The following SPATA13 variants were observed in gnomAD, a reference collection of about 807,000 sequenced individuals.
The protein encoded by SPATA13 is spermatogenesis associated 13.
In SPATA13, 50 loss-of-function variants were observed where a neutral mutation model predicts 104.0. The observed-to-expected ratio is 0.48, with a 90% CI of 0.38 to 0.61. The LOEUF is 0.61. Ranked by LOEUF, SPATA13 falls within the 20% of genes least tolerant of loss-of-function variation. The pLI, the probability that SPATA13 is intolerant of heterozygous loss-of-function variation, is 0.00. For missense variants in SPATA13, 1,524 were observed against 1,690.6 expected (o/e 0.90, Z 1.73); for synonymous variants, 606 against 667.5 (o/e 0.91, Z 1.42).
At chr13:24,040,175 C>T (rs7318885) in intron 3 of SPATA13, among the ~76,000 whole-genome samples, 1 of 152,154 alleles carries the variant, frequency 6.6e-6, no homozygotes, top group Non-Finnish European at 1.5e-5. Flanking sequence ...ATGGCGAGTG[C>T]CCTATGCCAG....
chr13:24,030,524 C>T (rs543370319), intron 3 of SPATA13, among the ~76,000 whole-genome samples: 8 of 152,276 alleles, frequency 5.3e-5, no homozygotes, highest in African/African-American at 1.9e-4. Flanking sequence ...CCCTAATCTC[C>T]TGCCCACCCA....
chr13:24,276,534 G>T (rs1874993150), intron 4 of SPATA13, among the ~76,000 whole-genome samples: 2 of 152,198 alleles, frequency 1.3e-5, no homozygotes, highest in African/African-American at 4.8e-5. Context: ...TTTAATATGT[G>T]TGGCCGTTCT....
At chr13:24,002,247 A>G (rs955159373) in intron 2 of SPATA13, among the ~76,000 whole-genome samples, 1 of 152,184 alleles carries the variant, frequency 6.6e-6, no homozygotes, top group African/African-American at 2.4e-5. Flanking sequence ...CTGTAACACT[A>G]TGCCTGTGAT....
chr13:24,282,872 G>C (rs1194024091), intron 4 of SPATA13, among the ~76,000 whole-genome samples: 1 of 152,210 alleles, frequency 6.6e-6, no homozygotes, highest in African/African-American at 2.4e-5. Flanking sequence ...GCCCACAGAA[G>C]GGCAGGACCA....
rs544048185 is a variant in SPATA13, at chr13:24,082,514, C to G, written c.-112+64813C>G. ...CTGTGGCCTTTTCTATACTCAACTACAGCCAAAATAAAAATAAGATCTTTG... is the reference window on the plus strand; with the variant it reads ...CTGTGGCCTTTTCTATACTCAACTAGAGCCAAAATAAAAATAAGATCTTTG... On this transcript the variant is annotated intron_variant, in intron 3 of 14. Transcript: ENST00000424834. Among the ~76,000 whole-genome samples the G allele has an allele frequency of 3.9e-5, 6 of 152,262 alleles. No homozygotes were observed. The South Asian group carries it at 1.2e-3, about 32-fold the overall frequency.
intron 4 of SPATA13, among the ~76,000 whole-genome samples, chr13:24,280,970 C>A (rs1478255410): frequency 2.0e-5 from 3 of 152,198 alleles, no homozygotes; most frequent in African/African-American, 7.2e-5. Flanking sequence ...TCAGACAGCA[C>A]ATGTCTGGCT....
chr13:24,295,018 G>A (rs966542440), intron 10 of SPATA13, 150 bp downstream of exon 10: 2 of 783,908 alleles, frequency 2.6e-6, no homozygotes, highest in Non-Finnish European at 3.7e-6. Context: ...GTATTTCGAG[G>A]CATACTGTTG....
chr13:24,276,993 A>G (rs868663613), intron 4 of SPATA13, among the ~76,000 whole-genome samples: 17 of 152,246 alleles, frequency 1.1e-4, no homozygotes, highest in Non-Finnish European at 1.6e-4. Context: ...TCGTAATTCA[A>G]TTGAACAATG....
At chr13:24,065,303 T>G (rs1248883518) in intron 3 of SPATA13, among the ~76,000 whole-genome samples, 1 of 151,962 alleles carries the variant, frequency 6.6e-6, no homozygotes, top group Non-Finnish European at 1.5e-5. Flanking sequence ...GAGTGGGGGT[T>G]TTGATGTGTG....
intron 3 of SPATA13, among the ~76,000 whole-genome samples, chr13:24,141,929 G>A (rs983392482): frequency 3.3e-5 from 5 of 152,186 alleles, no homozygotes; most frequent in African/African-American, 1.2e-4. Flanking sequence ...TGCAAATGGA[G>A]TCAGGTCTTC....
intron 2 of SPATA13, among the ~76,000 whole-genome samples, chr13:24,237,953 AACAT>A (rs551473234): frequency 6.7e-6 from 1 of 148,276 alleles, no homozygotes; most frequent in Non-Finnish European, 1.5e-5. Flanking sequence ...GCAATATATA[AACAT>A]ACATGTTTAA....
chr13:24,002,526 C>A (rs541281981), intron 2 of SPATA13, among the ~76,000 whole-genome samples: 2 of 152,118 alleles, frequency 1.3e-5, no homozygotes, highest in African/African-American at 4.8e-5. Flanking sequence ...AACACCAGAT[C>A]GGCCTCAGTG....
intron 3 of SPATA13, among the ~76,000 whole-genome samples, chr13:24,251,026 A>T (rs78273838): frequency 0.018 from 2,796 of 152,268 alleles, 29 homozygotes; most frequent in South Asian, 0.028. Context: ...ACAAAAGAAG[A>T]AAAAAAGAAA....
intron 3 of SPATA13, among the ~76,000 whole-genome samples, chr13:24,104,093 A>C (rs2137805205): frequency 6.6e-6 from 1 of 152,168 alleles, no homozygotes; most frequent in South Asian, 2.1e-4. Context: ...CTTATATAAA[A>C]CTGTTAGAGA....
intron 3 of SPATA13, among the ~76,000 whole-genome samples, chr13:24,120,557 C>A (rs1466288003): frequency 6.6e-6 from 1 of 152,142 alleles, no homozygotes; most frequent in Non-Finnish European, 1.5e-5. Context: ...AGCTGCCTGG[C>A]CTTGGGTGAG....
chr13:24,102,986 T>C (rs9553176), intron 3 of SPATA13, among the ~76,000 whole-genome samples: 122,855 of 151,784 alleles, frequency 0.81, 52,108 homozygotes, highest in Non-Finnish European at 0.94. Flanking sequence ...ACTTTATTCC[T>C]TTGCATGTGG....
At chr13:24,140,611 G>A (rs1252064391) in intron 3 of SPATA13, among the ~76,000 whole-genome samples, 1 of 152,146 alleles carries the variant, frequency 6.6e-6, no homozygotes, top group Non-Finnish European at 1.5e-5. Context: ...CCCTGCTCTT[G>A]TGCGTGTCCT....
chr13:24,110,126 G>A (rs1451552752), intron 3 of SPATA13, among the ~76,000 whole-genome samples: 1 of 151,432 alleles, frequency 6.6e-6, no homozygotes, highest in Non-Finnish European at 1.5e-5. Context: ...GGTAAATAAT[G>A]GCACTTTGTT....
At chr13:24,261,774 TA>T (rs879409630) in intron 4 of SPATA13, among the ~76,000 whole-genome samples, 36 of 145,474 alleles carry the variant, frequency 2.5e-4, no homozygotes, top group Middle Eastern at 3.5e-3. Context: ...TTCGTGCCCT[TA>T]AAAAAAAAAA....
Sources: gnomAD v4.1 joint callset for allele counts (sites outside exome capture counted in the v4.1 genomes callset) on GRCh38, gnomAD v4.1.1 for gene constraint, MANE v1.5 for transcripts, NCBI Gene and HGNC (gene_info 2026-07-23, HGNC 2026-07-21) for gene names.